The following ZNF366 variants were observed in gnomAD, a reference collection of about 807,000 sequenced individuals.
ZNF366 encodes zinc finger protein 366.
ZNF366 carries 20 observed loss-of-function variants against 47.2 expected under a neutral mutation model. The observed-to-expected ratio is 0.42, with a 90% confidence interval of 0.30 to 0.62. The LOEUF is 0.62. Ranked by LOEUF, ZNF366 falls within the 20% of genes least tolerant of loss-of-function variation. The pLI is 0.16. For missense variants in ZNF366, 987 were observed against 976.3 expected, an observed-to-expected ratio of 1.01 and a Z score of -0.15; for synonymous variants, 421 against 395.1, an observed-to-expected ratio of 1.07 and a Z score of -0.78.
chr5:72,479,412 T>TG (rs1743738433), intron 1 of ZNF366, among the ~76,000 whole-genome samples: 1 of 151,108 alleles, frequency 6.6e-6, no homozygotes, highest in South Asian at 2.1e-4. Flanking sequence ...ATTAAAAAAA[T>TG]TAAAAAATTA....
chr5:72,459,202 G>A (rs1247729150), intron 2 of ZNF366, among the ~76,000 whole-genome samples: 1 of 152,224 alleles, frequency 6.6e-6, no homozygotes, highest in Non-Finnish European at 1.5e-5. Context: ...TAGCACAGCA[G>A]AAACATTATC....
At chr5:72,456,983 T>C (rs985528271) in intron 2 of ZNF366, among the ~76,000 whole-genome samples, 4 of 152,114 alleles carry the variant, frequency 2.6e-5, no homozygotes, top group African/African-American at 9.7e-5. Flanking sequence ...AAAAAAAATC[T>C]TCCAAAATGA....
intron 3 of ZNF366, among the ~76,000 whole-genome samples, chr5:72,448,837 T>G (rs10070001): frequency 0.63 from 95,658 of 152,070 alleles, 30,474 homozygotes; most frequent in Non-Finnish European, 0.7. Context: ...TTGGGGAGTT[T>G]AGCGTAGAAG....
intron 1 of ZNF366, among the ~76,000 whole-genome samples, chr5:72,471,016 C>A (rs939986794): frequency 3.3e-5 from 5 of 152,224 alleles, no homozygotes; most frequent in African/African-American, 1.2e-4. Flanking sequence ...GCCAATGAGT[C>A]TCTCAGTGAG....
intron 1 of ZNF366, among the ~76,000 whole-genome samples, chr5:72,489,488 A>C (rs1743964176): frequency 6.6e-6 from 1 of 152,136 alleles, no homozygotes; most frequent in Non-Finnish European, 1.5e-5. Flanking sequence ...ATGGAGCTGG[A>C]GGAAGATTAA....
intron 3 of ZNF366, among the ~76,000 whole-genome samples, chr5:72,453,197 A>C (rs1258760120): frequency 6.6e-6 from 1 of 152,200 alleles, no homozygotes; most frequent in Admixed American, 6.5e-5. Context: ...GGAAGGATGC[A>C]TGTTAAGAAG....
chr5:72,503,750 C>A (rs1317261709), intron 1 of ZNF366, among the ~76,000 whole-genome samples: 1 of 152,202 alleles, frequency 6.6e-6, no homozygotes, highest in Non-Finnish European at 1.5e-5. Flanking sequence ...ACCTTTTGCA[C>A]GTTAGTGCAG....
At chr5:72,468,317 C>A (rs1743475917) in intron 1 of ZNF366, among the ~76,000 whole-genome samples, 1 of 152,210 alleles carries the variant, frequency 6.6e-6, no homozygotes, top group Admixed American at 6.5e-5. Flanking sequence ...TCCAGATGCC[C>A]TTCTGGCCCC....
chr5:72,469,943 G>A (rs1265229944), intron 1 of ZNF366, among the ~76,000 whole-genome samples: 4 of 152,150 alleles, frequency 2.6e-5, no homozygotes, highest in East Asian at 1.9e-4. Context: ...TACTCAGGAC[G>A]CTGAGGTGGG....
At chr5:72,481,405 C>T (rs1743787964) in intron 1 of ZNF366, among the ~76,000 whole-genome samples, 2 of 151,954 alleles carry the variant, frequency 1.3e-5, no homozygotes, top group South Asian at 4.2e-4. Context: ...AAGTCTTTTA[C>T]TATGCATGAA....
At chr5:72,493,918 C>CTTTTTTTTT (rs70999281) in intron 1 of ZNF366, among the ~76,000 whole-genome samples, 1 of 62,514 alleles carries the variant, frequency 1.6e-5, no homozygotes, top group Admixed American at 2.5e-4. Context: ...CCATGCCCAG[C>CTTTTTTTTT]TTTTTTTTTT....
chr5:72,456,290 C>A, intron 3 of ZNF366, 114 bp downstream of exon 3: 2 of 1,205,216 alleles, frequency 1.7e-6, no homozygotes, highest in East Asian at 2.4e-5. Flanking sequence ...GGCCACGGAC[C>A]TACTCTGAGC....
At chr5:72,467,743 T>C (rs1046275984) in intron 1 of ZNF366, among the ~76,000 whole-genome samples, 14 of 152,178 alleles carry the variant, frequency 9.2e-5, no homozygotes. Context: ...AGCTTTCCCA[T>C]TTTCATTGGA....
intron 1 of ZNF366, among the ~76,000 whole-genome samples, chr5:72,490,536 T>C (rs574165547): frequency 4.1e-4 from 62 of 152,230 alleles, no homozygotes; most frequent in Non-Finnish European, 7.1e-4. Context: ...GAGCATTCAT[T>C]CATGAGATTT....
chr5:72,501,810 G>A (rs1390298464), intron 1 of ZNF366, among the ~76,000 whole-genome samples: 1 of 152,144 alleles, frequency 6.6e-6, no homozygotes, highest in East Asian at 1.9e-4. Context: ...AAAATAAATG[G>A]AAAATAAAAT....
intron 1 of ZNF366, among the ~76,000 whole-genome samples, chr5:72,501,535 T>C (rs1217925294): frequency 2.0e-5 from 3 of 152,236 alleles, no homozygotes; most frequent in East Asian, 1.9e-4. Flanking sequence ...CCTTCTTCAA[T>C]TGGCTTGAAT....
chr5:72,450,906 G>A (rs1255590263), intron 3 of ZNF366, among the ~76,000 whole-genome samples: 1 of 152,222 alleles, frequency 6.6e-6, no homozygotes. Context: ...GTGAATCACA[G>A]TGCTCTTGGG....
At chr5:72,504,054 C>T (rs913635931) in intron 1 of ZNF366, among the ~76,000 whole-genome samples, 2 of 151,832 alleles carry the variant, frequency 1.3e-5, no homozygotes, top group Admixed American at 6.6e-5. Flanking sequence ...CATGCACACA[C>T]GCACGCACAC....
intron 1 of ZNF366, among the ~76,000 whole-genome samples, chr5:72,477,368 C>G (rs1743695844): frequency 6.6e-6 from 1 of 152,172 alleles, no homozygotes. Flanking sequence ...GGAGGATATG[C>G]TTTTAATGTC....
Sources: allele counts gnomAD v4.1 joint callset (sites outside exome capture counted in the v4.1 genomes callset), GRCh38; gene constraint gnomAD v4.1.1; transcripts MANE v1.5; gene names NCBI Gene and HGNC (gene_info 2026-07-23, HGNC 2026-07-21).